Variants in FRMPD4 observed in about 807,000 individuals in gnomAD.
FRMPD4 encodes the protein FERM and PDZ domain-containing protein 4.
Under a neutral mutation model 94.1 loss-of-function variants are expected in FRMPD4, and 22 were observed. The observed-to-expected ratio is 0.23, with a 90% CI of 0.17 to 0.33. The LOEUF is 0.33. Among genes scored for constraint, FRMPD4 ranks in the 10% least tolerant of loss-of-function variants. FRMPD4 has a pLI of 1.00. For synonymous variants in FRMPD4, 631 were observed against 548.6 expected, an observed-to-expected ratio of 1.15 and a Z score of -2.10; for missense variants, 1,111 against 1,339.9, an observed-to-expected ratio of 0.83 and a Z score of 2.67.
intron 3 of FRMPD4, among the ~76,000 whole-genome samples, chrX:12,095,020 C>T (rs1323317737): frequency 1.8e-5 from 2 of 111,443 alleles, no homozygotes; most frequent in Non-Finnish European, 1.9e-5. Context: ...GGGCTCATGA[C>T]CTAAATTCAG....
In FRMPD4 at chrX:11,997,420, T is replaced by C. The variant is rs1262628944; in HGVS notation, c.95+119402T>C. Among the ~76,000 whole-genome samples, 3 of 112,079 alleles carry C rather than the reference T, an allele frequency of 2.7e-5. No homozygotes were observed. The Admixed American group carries it at 2.8e-4, about 11-fold the overall frequency. On this transcript the variant is annotated intron_variant, in intron 3 of 18. Transcript: ENST00000640291. ...TTCCTAACATGCAAGTATTAGTCAC[T>C]TACTGCTGTGGTAATGCTGTGTAAC...
intron 1 of FRMPD4, among the ~76,000 whole-genome samples, chrX:12,296,625 C>T (rs1396169509): frequency 1.8e-5 from 2 of 112,036 alleles, no homozygotes; most frequent in African/African-American, 6.5e-5. Context: ...GGTTCATAGC[C>T]CTTTGCCTTC....
At chrX:11,960,823 T>C (rs2054279950) in intron 3 of FRMPD4, among the ~76,000 whole-genome samples, 1 of 112,224 alleles carries the variant, frequency 8.9e-6, no homozygotes, top group Non-Finnish European at 1.9e-5. Context: ...CAATGTTCTA[T>C]ACATATTTGA....
intron 3 of FRMPD4, among the ~76,000 whole-genome samples, chrX:11,902,288 A>C (rs1256799594): frequency 9.0e-6 from 1 of 111,066 alleles, no homozygotes; most frequent in African/African-American, 3.3e-5. Context: ...AACAGCAGAC[A>C]TTTTTTTTTC....
chrX:12,015,330 C>T (rs916901703), intron 3 of FRMPD4, among the ~76,000 whole-genome samples: 3 of 111,545 alleles, frequency 2.7e-5, no homozygotes, highest in Non-Finnish European at 5.6e-5. Flanking sequence ...CACTGCCCCT[C>T]ATCTTAGCTA....
chrX:12,270,762 A>G (rs770251995), intron 1 of FRMPD4, among the ~76,000 whole-genome samples: 2 of 111,619 alleles, frequency 1.8e-5, no homozygotes, highest in African/African-American at 6.5e-5. Flanking sequence ...GAAGAAGGCC[A>G]CAAGGTATGA....
intron 1 of FRMPD4, among the ~76,000 whole-genome samples, chrX:12,140,877 T>G (rs1708850349): frequency 8.9e-6 from 1 of 112,093 alleles, no homozygotes; most frequent in Admixed American, 9.4e-5. Flanking sequence ...AGTGTGAGTT[T>G]CACTTTCTAT....
At chrX:12,420,302 C>CT (rs1439940242) in intron 1 of FRMPD4, among the ~76,000 whole-genome samples, 1 of 112,191 alleles carries the variant, frequency 8.9e-6, no homozygotes, top group Non-Finnish European at 1.9e-5. Flanking sequence ...TCTCTAACTT[C>CT]TAACACTGTC....
At chrX:12,560,971 G>GT (rs1322326345) in intron 2 of FRMPD4, among the ~76,000 whole-genome samples, 4 of 93,205 alleles carry the variant, frequency 4.3e-5, no homozygotes, top group African/African-American at 1.6e-4. Flanking sequence ...GGTTTTCACC[G>GT]TTTTAGCCGG....
chrX:12,108,538 A>T (rs2055322351), intron 3 of FRMPD4, among the ~76,000 whole-genome samples: 1 of 112,209 alleles, frequency 8.9e-6, no homozygotes, highest in Admixed American at 9.4e-5. Flanking sequence ...TAACCAGCTA[A>T]CATTGTAATG....
At chrX:12,300,835 G>C (rs2054849232) in intron 1 of FRMPD4, among the ~76,000 whole-genome samples, 1 of 111,679 alleles carries the variant, frequency 9.0e-6, no homozygotes, top group African/African-American at 3.3e-5. Flanking sequence ...TCTGGAACAA[G>C]CTTTGACTTG....
intron 3 of FRMPD4, among the ~76,000 whole-genome samples, chrX:12,056,589 G>A (rs1360525345): frequency 9.0e-6 from 1 of 111,626 alleles, no homozygotes; most frequent in Non-Finnish European, 1.9e-5. Context: ...AGAGACAGGA[G>A]GGCAGGAGAA....
intron 3 of FRMPD4, among the ~76,000 whole-genome samples, chrX:11,894,239 G>A (rs764953661): frequency 3.6e-5 from 4 of 111,798 alleles, no homozygotes; most frequent in South Asian, 3.8e-4. Flanking sequence ...CCGCTGCTCT[G>A]GTTGAACCTT....
chrX:12,065,394 A>T (rs2054912370), intron 3 of FRMPD4, among the ~76,000 whole-genome samples: 1 of 111,935 alleles, frequency 8.9e-6, no homozygotes, highest in Non-Finnish European at 1.9e-5. Context: ...ACAATTTCAT[A>T]TTGTCATCAG....
chrX:12,126,039 G>T (rs1002998582), intron 3 of FRMPD4, among the ~76,000 whole-genome samples: 1 of 112,484 alleles, frequency 8.9e-6, no homozygotes, highest in African/African-American at 3.2e-5. Flanking sequence ...ATGCATGAGA[G>T]AATTTACATC....
At chrX:12,267,531 C>T (rs758816077) in intron 1 of FRMPD4, among the ~76,000 whole-genome samples, 1 of 112,635 alleles carries the variant, frequency 8.9e-6, no homozygotes, top group South Asian at 3.7e-4. Flanking sequence ...TGACTGTTGG[C>T]AGAATGACGT....
At chrX:12,203,483 T>C (rs1228820545) in intron 1 of FRMPD4, among the ~76,000 whole-genome samples, 1 of 111,873 alleles carries the variant, frequency 8.9e-6, no homozygotes, top group Non-Finnish European at 1.9e-5. Context: ...ATGTCTTCTC[T>C]TTCTCTTCCC....
At chrX:12,605,582 G>A in intron 2 of FRMPD4, among the ~76,000 whole-genome samples, 1 of 111,281 alleles carries the variant, frequency 9.0e-6, no homozygotes, top group East Asian at 2.8e-4. Context: ...AAGAGCCTGT[G>A]TGATCTGTGT....
intron 4 of FRMPD4, among the ~76,000 whole-genome samples, chrX:12,628,445 T>A (rs1213021861): frequency 8.0e-5 from 9 of 112,102 alleles, no homozygotes; most frequent in Non-Finnish European, 1.7e-4. Context: ...TTCACCATTG[T>A]CAACCCTCCC....
Sources: allele counts gnomAD v4.1 joint callset (sites outside exome capture counted in the v4.1 genomes callset), GRCh38; gene constraint gnomAD v4.1.1; transcripts MANE v1.5; gene names NCBI Gene and HGNC (gene_info 2026-07-23, HGNC 2026-07-21).